PTPRD: variants seen among roughly 807,000 people sequenced by gnomAD.
The protein encoded by PTPRD is protein tyrosine phosphatase receptor type D.
PTPRD carries 34 observed loss-of-function variants against 214.5 expected under a neutral mutation model. That is an observed-to-expected ratio of 0.16 (90% CI 0.12 to 0.21). PTPRD has a LOEUF of 0.21. PTPRD is among the 10% of genes least tolerant of loss of function. The pLI, the probability that PTPRD is intolerant of heterozygous loss-of-function variation, is 1.00. For synonymous variants in PTPRD, 1,128 were observed against 845.7 expected (o/e 1.33, Z -5.79); for missense variants, 2,545 against 2,398.7 (o/e 1.06, Z -1.27).
chr9:10,062,748 T>C (rs1028044476), intron 3 of PTPRD, among the ~76,000 whole-genome samples: 9 of 152,050 alleles, frequency 5.9e-5, no homozygotes, highest in African/African-American at 1.9e-4. Context: ...CTTTCACATT[T>C]TTTTTCCCCT....
intron 43 of PTPRD, among the ~76,000 whole-genome samples, chr9:8,336,425 C>G (rs1033981035): frequency 9.0e-5 from 13 of 145,234 alleles, no homozygotes; most frequent in African/African-American, 3.3e-4. Context: ...TGGATCCCTT[C>G]CTTATACAAA....
intron 10 of PTPRD, among the ~76,000 whole-genome samples, chr9:9,047,664 A>G (rs539423380): frequency 1.6e-4 from 25 of 152,278 alleles, no homozygotes; most frequent in Non-Finnish European, 3.5e-4. Flanking sequence ...AGTCTCTTCA[A>G]TAAATGGTGC....
chr9:8,520,986 C>T (rs1329953670), intron 20 of PTPRD, among the ~76,000 whole-genome samples: 1 of 151,920 alleles, frequency 6.6e-6, no homozygotes, highest in Admixed American at 6.6e-5. Context: ...CCATAATGGT[C>T]GACCATGTGT....
chr9:8,928,614 T>C (rs994371390), intron 11 of PTPRD, among the ~76,000 whole-genome samples: 8 of 152,008 alleles, frequency 5.3e-5, no homozygotes, highest in African/African-American at 1.4e-4. Context: ...TAGTTTGAAG[T>C]CAGGTAGCAT....
At chr9:9,428,690 T>C (rs2081965430) in intron 8 of PTPRD, among the ~76,000 whole-genome samples, 1 of 152,032 alleles carries the variant, frequency 6.6e-6, no homozygotes, top group African/African-American at 2.4e-5. Flanking sequence ...GAACAGAAAT[T>C]ATAACAAACT....
At chr9:8,908,002 G>T (rs888465405) in intron 11 of PTPRD, among the ~76,000 whole-genome samples, 1 of 152,024 alleles carries the variant, frequency 6.6e-6, no homozygotes, top group Non-Finnish European at 1.5e-5. Context: ...GAAACAGTAT[G>T]GTCACACAGT....
chr9:8,782,473 T>A (rs138803157), intron 11 of PTPRD, among the ~76,000 whole-genome samples: 2 of 152,298 alleles, frequency 1.3e-5, no homozygotes, highest in Non-Finnish European at 2.9e-5. Flanking sequence ...TAATTTTATA[T>A]CCTCAATTTC....
chr9:9,267,082 GT>G (rs1184029988), intron 9 of PTPRD, among the ~76,000 whole-genome samples: 1 of 151,154 alleles, frequency 6.6e-6, no homozygotes. Flanking sequence ...ATGAATAAAT[GT>G]TTTAAATGCT....
chr9:10,444,242 T>G (rs1236051343), intron 2 of PTPRD, among the ~76,000 whole-genome samples: 1 of 151,992 alleles, frequency 6.6e-6, no homozygotes, highest in African/African-American at 2.4e-5. Context: ...TATTTTATTC[T>G]ATGATGTTTA....
intron 8 of PTPRD, among the ~76,000 whole-genome samples, chr9:9,536,260 C>A (rs16929666): frequency 6.6e-6 from 1 of 151,906 alleles, no homozygotes; most frequent in Non-Finnish European, 1.5e-5. Context: ...ATTCCCGGCC[C>A]GTACCTCAGT....
chr9:8,349,792 A>G (rs2074918739), intron 39 of PTPRD, among the ~76,000 whole-genome samples: 1 of 152,196 alleles, frequency 6.6e-6, no homozygotes, highest in South Asian at 2.1e-4. Flanking sequence ...GTCTAGCATT[A>G]TGTTGGTCTC....
chr9:10,240,912 C>A (rs1468741958), intron 3 of PTPRD, among the ~76,000 whole-genome samples: 1 of 151,328 alleles, frequency 6.6e-6, no homozygotes, highest in East Asian at 1.9e-4. Flanking sequence ...TTAAAAGATA[C>A]ATTACTTCAA....
intron 8 of PTPRD, among the ~76,000 whole-genome samples, chr9:9,448,302 G>A (rs1037494877): frequency 1.3e-5 from 2 of 152,060 alleles, no homozygotes; most frequent in African/African-American, 4.8e-5. Flanking sequence ...CCCCACACGA[G>A]GAGGGAGGGA....
chr9:9,765,650 T>A (rs779946258), intron 6 of PTPRD, among the ~76,000 whole-genome samples: 25 of 152,144 alleles, frequency 1.6e-4, no homozygotes, highest in Non-Finnish European at 3.5e-4. Context: ...GAAGCTTACG[T>A]AAATTCTTTT....
At chr9:10,562,881 T>C (rs776774202) in intron 2 of PTPRD, among the ~76,000 whole-genome samples, 4 of 152,096 alleles carry the variant, frequency 2.6e-5, no homozygotes, top group Non-Finnish European at 4.4e-5. Context: ...TGTAAAATGA[T>C]TTGTAGAAAA....
At chr9:9,415,662 T>C (rs1175691969) in intron 8 of PTPRD, among the ~76,000 whole-genome samples, 3 of 152,106 alleles carry the variant, frequency 2.0e-5, no homozygotes, top group African/African-American at 7.2e-5. Flanking sequence ...GATTACCCTT[T>C]AGGGATTAGT....
chr9:10,056,903 C>T (rs1367863581), intron 3 of PTPRD, among the ~76,000 whole-genome samples: 2 of 152,104 alleles, frequency 1.3e-5, no homozygotes, highest in Non-Finnish European at 2.9e-5. Flanking sequence ...ATTGTTCAAC[C>T]TTGAAAATTC....
At chr9:9,638,033 C>T (rs566090298) in intron 7 of PTPRD, among the ~76,000 whole-genome samples, 2 of 152,252 alleles carry the variant, frequency 1.3e-5, no homozygotes, top group East Asian at 1.9e-4. Context: ...GGAGGGAATA[C>T]CTCAAAGTTC....
intron 9 of PTPRD, among the ~76,000 whole-genome samples, chr9:9,385,875 G>C (rs895100446): frequency 6.6e-6 from 1 of 152,124 alleles, no homozygotes; most frequent in African/African-American, 2.4e-5. Context: ...TGTCATTTAA[G>C]CCTAACTATG....
Sources: gnomAD v4.1 joint callset for allele counts (sites outside exome capture counted in the v4.1 genomes callset) on GRCh38, gnomAD v4.1.1 for gene constraint, MANE v1.5 for transcripts, NCBI Gene and HGNC (gene_info 2026-07-23, HGNC 2026-07-21) for gene names.